The following TRPM3 variants were observed in gnomAD, a reference collection of about 807,000 sequenced individuals.
The protein encoded by TRPM3 is transient receptor potential cation channel subfamily M member 3.
TRPM3 carries 77 observed loss-of-function variants against 181.2 expected under a neutral mutation model. The observed-to-expected ratio is 0.42, with a 90% confidence interval of 0.35 to 0.51. The LOEUF is 0.51. TRPM3 is among the 20% of genes least tolerant of loss of function. The pLI, the probability that TRPM3 is intolerant of heterozygous loss-of-function variation, is 0.01. For missense variants in TRPM3, 1,759 were observed against 2,196.7 expected (o/e 0.80, Z 3.98); for synonymous variants, 745 against 796.4 (o/e 0.94, Z 1.09).
intron 1 of TRPM3, among the ~76,000 whole-genome samples, chr9:71,210,900 G>C (rs575899742): frequency 6.6e-6 from 1 of 152,344 alleles, no homozygotes; most frequent in South Asian, 2.1e-4. Context: ...GGCAGAGACA[G>C]AGAACGTAAG....
At chr9:71,218,285 A>C (rs928122608) in intron 1 of TRPM3, among the ~76,000 whole-genome samples, 1 of 152,084 alleles carries the variant, frequency 6.6e-6, no homozygotes, top group African/African-American at 2.4e-5. Context: ...ATGACAACGC[A>C]CTCTCATGTA....
intron 1 of TRPM3, among the ~76,000 whole-genome samples, chr9:71,280,009 C>A (rs2084571170): frequency 6.9e-6 from 1 of 144,684 alleles, no homozygotes; most frequent in Non-Finnish European, 1.5e-5. Context: ...AACCCAGAGT[C>A]AGAGGTTGCA....
chr9:71,113,275 T>C (rs1010612095), intron 1 of TRPM3, among the ~76,000 whole-genome samples: 2 of 152,130 alleles, frequency 1.3e-5, no homozygotes, highest in African/African-American at 4.8e-5. Context: ...AACAGAGATA[T>C]ATTTATGAGG....
intron 1 of TRPM3, among the ~76,000 whole-genome samples, chr9:70,992,908 G>T (rs1310427680): frequency 6.6e-6 from 1 of 152,208 alleles, no homozygotes; most frequent in Non-Finnish European, 1.5e-5. Flanking sequence ...TTGAGGAGGT[G>T]ACATTTGGGT....
chr9:71,040,482 T>G (rs1316228266), intron 1 of TRPM3, among the ~76,000 whole-genome samples: 1 of 152,184 alleles, frequency 6.6e-6, no homozygotes, highest in Non-Finnish European at 1.5e-5. Flanking sequence ...AGAGTGGCAT[T>G]TGGTAAACTA....
rs80185120 is a variant in TRPM3, at chr9:70,609,798, C to G, written c.2667+811G>C. ...CTGTTGCTGACTCAAATGACTGCTA[C>G]GCAGCTGGTTGTGGAAAGGGCTAAA... On this transcript the variant is annotated intron_variant, in intron 19 of 25. Transcript: ENST00000677713. 8.7e-3 allele frequency among the ~76,000 whole-genome samples: 1,322 copies of G among 152,224 alleles called. 25 individuals are homozygous for G. Among genetic ancestry groups the G allele is most frequent in the African/African-American group, 0.03 (1,241 of 41,528 alleles).
chr9:71,223,215 G>T (rs959589172), intron 1 of TRPM3, among the ~76,000 whole-genome samples: 20 of 152,142 alleles, frequency 1.3e-4, no homozygotes, highest in Admixed American at 7.2e-4. Context: ...CTTGGATACT[G>T]GCTCAGCTAC....
chr9:70,674,189 A>C (rs1037173755), intron 9 of TRPM3, among the ~76,000 whole-genome samples: 15 of 152,190 alleles, frequency 9.9e-5, no homozygotes, highest in African/African-American at 3.6e-4. Flanking sequence ...TTAGGCCATA[A>C]TACATTCAAT....
At chr9:70,900,352 AAAAC>A (rs200585365) in intron 1 of TRPM3, among the ~76,000 whole-genome samples, 13 of 152,074 alleles carry the variant, frequency 8.5e-5, no homozygotes, top group South Asian at 2.1e-4. Context: ...AAAACAAAAC[AAAAC>A]AAACAAACAA....
chr9:70,682,092 T>C (rs985776962), intron 8 of TRPM3, among the ~76,000 whole-genome samples: 1 of 152,178 alleles, frequency 6.6e-6, no homozygotes, highest in African/African-American at 2.4e-5. Flanking sequence ...AAATTTCTGT[T>C]GTTTGTAAGC....
intron 1 of TRPM3, among the ~76,000 whole-genome samples, chr9:71,268,182 G>A (rs894571091): frequency 3.3e-5 from 5 of 151,612 alleles, no homozygotes; most frequent in Admixed American, 2.0e-4. Context: ...GGAGTTCAAC[G>A]CCAGCCTGGC....
chr9:70,744,754 C>A (rs1180391613), intron 8 of TRPM3, among the ~76,000 whole-genome samples: 1 of 152,102 alleles, frequency 6.6e-6, no homozygotes, highest in African/African-American at 2.4e-5. Flanking sequence ...CCATGTGAAT[C>A]TCACAGTTTA....
intron 1 of TRPM3, among the ~76,000 whole-genome samples, chr9:70,941,353 T>C (rs1416398425): frequency 6.6e-6 from 1 of 152,176 alleles, no homozygotes; most frequent in Non-Finnish European, 1.5e-5. Flanking sequence ...CTTCAGCTTT[T>C]GGGCTCTTGG....
At chr9:71,248,024 A>G (rs1354459) in intron 1 of TRPM3, among the ~76,000 whole-genome samples, 64,703 of 152,004 alleles carry the variant, frequency 0.43, 14,213 homozygotes, top group East Asian at 0.52. Context: ...CAGGGTCTTC[A>G]ATCCAAGAAC....
chr9:70,875,315 T>C lies in TRPM3; in HGVS notation c.178-10804A>G, dbSNP rs534252072. On this transcript the variant is annotated intron_variant, in intron 1 of 25. Coordinates refer to ENST00000677713, the MANE Select transcript of TRPM3 (RefSeq NM_001366145.2). Reference sequence around the variant, plus strand: ...CCCTCATTAACGTGTACAAGGTATATATAGGGCCTTTTTTGAAAATAAGAG... The same window carrying C: ...CCCTCATTAACGTGTACAAGGTATACATAGGGCCTTTTTTGAAAATAAGAG... 7.6e-4 allele frequency among the ~76,000 whole-genome samples: 115 copies of C among 152,076 alleles called. 1 individual carries two copies. Among genetic ancestry groups the C allele is most frequent in the African/African-American group, 2.6e-3 (109 of 41,520 alleles).
intron 1 of TRPM3, among the ~76,000 whole-genome samples, chr9:70,980,091 A>ACACACACACACACACG (rs1485831507): frequency 2.0e-5 from 3 of 151,982 alleles, no homozygotes; most frequent in Non-Finnish European, 4.4e-5. Flanking sequence ...ACACACACAC[A>ACACACACACACACACG]CACACGGAGT....
chr9:71,419,430 T>C (rs1332523741), intron 1 of TRPM3, among the ~76,000 whole-genome samples: 1 of 151,978 alleles, frequency 6.6e-6, no homozygotes, highest in East Asian at 1.9e-4. Flanking sequence ...TACAAATTAT[T>C]AGGTATCTTT....
rs538293915 is a variant in TRPM3 at position 71,243,084 on chromosome 9, C to T, written c.183+203569G>A. ...TTTCAGAGAGTCTTGCTCTGTTACC[C>T]AGGCTAGAGTACAGTGGCATGATCT... On this transcript the variant is annotated intron_variant, in intron 1 of 24. Coordinates refer to the TRPM3 transcript ENST00000357533. Among the ~76,000 whole-genome samples, 4 of 152,296 alleles carry T rather than the reference C, an allele frequency of 2.6e-5. No homozygotes were observed. In the East Asian group the frequency reaches 7.7e-4, roughly 29 times the overall value.
chr9:70,575,607 T>C (rs2053725514), intron 22 of TRPM3, among the ~76,000 whole-genome samples: 1 of 152,252 alleles, frequency 6.6e-6, no homozygotes, highest in African/African-American at 2.4e-5. Context: ...TATATTCATT[T>C]GGGCTTATCA....
Sources: gnomAD v4.1 joint callset for allele counts (sites outside exome capture counted in the v4.1 genomes callset) on GRCh38, gnomAD v4.1.1 for gene constraint, MANE v1.5 for transcripts, NCBI Gene and HGNC (gene_info 2026-07-23, HGNC 2026-07-21) for gene names.